The following ARHGEF12 variants were observed in gnomAD, a reference collection of about 807,000 sequenced individuals.
ARHGEF12 encodes the protein Rho guanine nucleotide exchange factor 12.
A neutral mutation model predicts 211.2 loss-of-function variants in ARHGEF12; 66 were observed. The observed-to-expected ratio is 0.31, with a 90% confidence interval of 0.26 to 0.38. The LOEUF is 0.38. ARHGEF12 is among the 10% of genes least tolerant of loss of function. ARHGEF12 has a pLI of 1.00. For missense variants in ARHGEF12, 1,429 were observed against 1,869.5 expected, an observed-to-expected ratio of 0.76 and a Z score of 4.34; for synonymous variants, 592 against 638.4, an observed-to-expected ratio of 0.93 and a Z score of 1.09.
Position 120,391,947 on chromosome 11 carries a change from T to C in ARHGEF12, c.33-14171T>C, listed in dbSNP as rs145284961. Among the ~76,000 whole-genome samples the C allele has an allele frequency of 2.0e-3, 310 of 152,338 alleles. 1 individual carries two copies. The highest frequency in any genetic ancestry group is 3.5e-3 in the Non-Finnish European group (238 of 68,030). ...TTGATGTTTGAGACAAAATAAACTG[T>C]AAACAGACTGTACTTAACTTCCTTA... On this transcript the variant is annotated intron_variant, in intron 1 of 40. Transcript: ENST00000397843.
In ARHGEF12 at chr11:120,389,175, G is replaced by A. The variant is rs569592492; in HGVS notation, c.33-16943G>A. Among the ~76,000 whole-genome samples the A allele has an allele frequency of 4.9e-4, 75 of 152,208 alleles. 3 individuals carry two copies. The Middle Eastern group carries it at 0.014, about 28-fold the overall frequency. Reference sequence around the variant, plus strand: ...CATGAGCCACCATGCCCGGCCATAAGTCCTTTTAGGTATATGATTTAGAAA... The same window carrying A: ...CATGAGCCACCATGCCCGGCCATAAATCCTTTTAGGTATATGATTTAGAAA... On this transcript the variant is annotated intron_variant, in intron 1 of 40. Coordinates refer to ENST00000397843, the MANE Select transcript of ARHGEF12 (RefSeq NM_015313.3).
At chr11:120,455,029 A>G (rs941244600) in intron 22 of ARHGEF12, among the ~76,000 whole-genome samples, 3 of 152,104 alleles carry the variant, frequency 2.0e-5, no homozygotes, top group Non-Finnish European at 4.4e-5. Flanking sequence ...CAGAGTTTAA[A>G]GGAAAAAAAA....
intron 1 of ARHGEF12, among the ~76,000 whole-genome samples, chr11:120,346,697 G>A (rs1942737145): frequency 6.6e-6 from 1 of 152,130 alleles, no homozygotes; most frequent in Non-Finnish European, 1.5e-5. Flanking sequence ...GTCTATGAAA[G>A]TTTCTTTTTT....
intron 1 of ARHGEF12, among the ~76,000 whole-genome samples, chr11:120,345,062 T>C (rs1942661676): frequency 6.6e-6 from 1 of 152,256 alleles, no homozygotes; most frequent in Non-Finnish European, 1.5e-5. Flanking sequence ...ACTTAACACC[T>C]AGCAAGCTTG....
chr11:120,419,000 G>C (rs954715723), intron 4 of ARHGEF12, among the ~76,000 whole-genome samples: 4 of 150,900 alleles, frequency 2.7e-5, no homozygotes, highest in African/African-American at 9.8e-5. Flanking sequence ...TTGTGACAGA[G>C]TCTCGCTCTG....
chr11:120,387,127 G>GT (rs1355820710), intron 1 of ARHGEF12, among the ~76,000 whole-genome samples: 1 of 151,894 alleles, frequency 6.6e-6, no homozygotes. Context: ...TCTATTCAGT[G>GT]TAAGAGATTT....
At position 120,420,736 on chromosome 11, in the gene ARHGEF12, CTG is replaced by C. The variant is rs1945159763; in HGVS notation, c.200-14_200-13del. 3 of 1,602,996 alleles carry C rather than the reference CTG, an allele frequency of 1.9e-6. No homozygotes were observed. The highest frequency in any genetic ancestry group is 2.6e-6 in the Non-Finnish European group (3 of 1,170,292). ...GTTTTCTCTTCCTTCTTGTTTTACA[CTG>C]TGGTTCTTGTGCAGGTCTTGTTCAG... On this transcript the variant is annotated splice_polypyrimidine_tract_variant and intron_variant, in intron 4 of 40. Coordinates refer to ENST00000397843, the MANE Select transcript of ARHGEF12 (RefSeq NM_015313.3).
chr11:120,348,577 C>G (rs1591484812), intron 1 of ARHGEF12, among the ~76,000 whole-genome samples: 1 of 152,190 alleles, frequency 6.6e-6, no homozygotes, highest in Non-Finnish European at 1.5e-5. Context: ...CATGGTGGCT[C>G]AAGCCTGTAA....
At chr11:120,376,143 G>T (rs1943717373) in intron 1 of ARHGEF12, among the ~76,000 whole-genome samples, 1 of 152,092 alleles carries the variant, frequency 6.6e-6, no homozygotes, top group Non-Finnish European at 1.5e-5. Flanking sequence ...TCCTAGTTAG[G>T]TTAATTGCTC....
At chr11:120,398,624 A>G (rs988948556) in intron 1 of ARHGEF12, among the ~76,000 whole-genome samples, 1 of 152,118 alleles carries the variant, frequency 6.6e-6, no homozygotes, top group Non-Finnish European at 1.5e-5. Flanking sequence ...CTGATTGAGG[A>G]ATTCGTAATG....
At chr11:120,390,095 G>A (rs1392569838) in intron 1 of ARHGEF12, among the ~76,000 whole-genome samples, 1 of 151,958 alleles carries the variant, frequency 6.6e-6, no homozygotes, top group Non-Finnish European at 1.5e-5. Flanking sequence ...GGTCTCTACA[G>A]TGTCCCCTAC....
chr11:120,400,725 A>C (rs1944529476), intron 1 of ARHGEF12, among the ~76,000 whole-genome samples: 1 of 152,254 alleles, frequency 6.6e-6, no homozygotes. Context: ...AGCAGAGGGA[A>C]TGAAAGTAAT....
chr11:120,481,267 T>C lies in ARHGEF12; in HGVS notation c.4245T>C (p.Tyr1415=). 1 of 1,614,046 alleles carries C rather than the reference T, an allele frequency of 6.2e-7. No homozygotes were observed. The highest frequency in any genetic ancestry group is 2.2e-5 in the East Asian group (1 of 44,890). Residue 1415 remains tyrosine (Y), a synonymous_variant, in exon 39 of 41, where the codon TAT becomes TAC. Coordinates refer to ENST00000397843, the MANE Select transcript of ARHGEF12 (RefSeq NM_015313.3). ...TTCTGTCTCTATCCATAGGAAACTA[T>C]TTGATCCTTGATGGCTATGACCCAG... ...KDVNLRISGN[Y]LILDGYDPVQ...
intron 9 of ARHGEF12, 73 bp downstream of exon 9, chr11:120,429,590 C>T: frequency 1.9e-6 from 3 of 1,568,742 alleles, no homozygotes; most frequent in East Asian, 2.2e-5. Context: ...TGGTGTTTAT[C>T]AGTCACAATC....
chr11:120,374,808 T>G (rs1394354946), intron 1 of ARHGEF12, among the ~76,000 whole-genome samples: 1 of 152,196 alleles, frequency 6.6e-6, no homozygotes, highest in African/African-American at 2.4e-5. Flanking sequence ...TTATGACTAA[T>G]TCATTACATT....
At chr11:120,386,702 G>A (rs906000294) in intron 1 of ARHGEF12, among the ~76,000 whole-genome samples, 1 of 152,154 alleles carries the variant, frequency 6.6e-6, no homozygotes, top group Admixed American at 6.5e-5. Context: ...GTACTGACAT[G>A]TAGGTGTTTT....
chr11:120,419,687 C>CTA (rs1477550786), intron 4 of ARHGEF12, among the ~76,000 whole-genome samples: 2 of 151,850 alleles, frequency 1.3e-5, no homozygotes, highest in African/African-American at 4.8e-5. Flanking sequence ...TACACACAGT[C>CTA]TATATATATT....
chr11:120,388,096 C>A (rs1283115208), intron 1 of ARHGEF12, among the ~76,000 whole-genome samples: 1 of 152,176 alleles, frequency 6.6e-6, no homozygotes, highest in African/African-American at 2.4e-5. Flanking sequence ...TCCCTCCACC[C>A]CTCCTCACCT....
Position 120,485,302 on chromosome 11 carries a change from C to T in ARHGEF12, c.*225C>T, listed in dbSNP as rs1947369804. On this transcript the variant is annotated 3_prime_UTR_variant, in exon 41 of 41. Transcript: ENST00000397843. ...AGGGAATATCCATTCCCTCACTCTA[C>T]TCTCCTCACTATCGGAAATTCATTT... The T allele has an allele frequency of 6.4e-6, 3 of 468,576 alleles. No individual in the cohort carries two copies. The highest frequency in any genetic ancestry group is 1.1e-5 in the Non-Finnish European group (3 of 261,288). 29.0% of individuals were successfully genotyped at this position (468,576 alleles called of 1,614,324 possible). A position where few individuals can be genotyped will look rare whatever the true frequency, so the allele number is the denominator to read the frequency against.
Sources: gnomAD v4.1 joint callset for allele counts (sites outside exome capture counted in the v4.1 genomes callset) on GRCh38, gnomAD v4.1.1 for gene constraint, MANE v1.5 for transcripts, NCBI Gene and HGNC (gene_info 2026-07-23, HGNC 2026-07-21) for gene names.